LTBP2: variants seen among roughly 807,000 people sequenced by gnomAD.
LTBP2 encodes latent transforming growth factor beta binding protein 2, also known as latent-transforming growth factor beta-binding protein 2.
Under a neutral mutation model 210.6 loss-of-function variants are expected in LTBP2, and 103 were observed. That is an observed-to-expected ratio of 0.49 (90% CI 0.42 to 0.58). The LOEUF (loss-of-function observed/expected upper bound fraction) is 0.58. Among genes scored for constraint, LTBP2 ranks in the 20% least tolerant of loss-of-function variants. The probability of loss-of-function intolerance (pLI) is 0.00; values close to 1 mark genes in which losing one functional copy is unlikely to be tolerated. For synonymous variants in LTBP2, 1,007 were observed against 1,015.0 expected, an observed-to-expected ratio of 0.99 and a Z score of 0.15; for missense variants, 2,313 against 2,494.5, an observed-to-expected ratio of 0.93 and a Z score of 1.55.
chr14:74,523,678 AT>A (rs1013614563), intron 15 of LTBP2, among the ~76,000 whole-genome samples: 9 of 152,272 alleles, frequency 5.9e-5, no homozygotes, highest in African/African-American at 2.2e-4. Context: ...TCTGAACGGT[AT>A]CCCTAATACT....
chr14:74,537,374 CT>C (rs1040797963), intron 8 of LTBP2, among the ~76,000 whole-genome samples: 9 of 152,192 alleles, frequency 5.9e-5, no homozygotes, highest in African/African-American at 2.2e-4. Flanking sequence ...ATTCTTTTGC[CT>C]ATAGATAGCC....
chr14:74,564,127 A>ATT (rs2087844303), intron 3 of LTBP2, among the ~76,000 whole-genome samples: 1 of 34,014 alleles, frequency 2.9e-5, no homozygotes, highest in African/African-American at 1.2e-4. Context: ...ATATATATTT[A>ATT]TATATATATT....
Position 74,528,642 on chromosome 14 carries a change from T to A in LTBP2, c.2209A>T (p.Ile737Phe). The change falls in exon 12 of 36, where the codon ATC becomes TTC. Residue 737 changes from isoleucine to phenylalanine, a missense_variant. Transcript: ENST00000261978. Reference protein sequence around the residue: ...GHGYTYASSDIRLSMRKAEEE... With the variant: ...GHGYTYASSDFRLSMRKAEEE... ...TCGGCTTTCCTCATGGACAGGCGGA[T>A]GTCGGAGCTCGCGTAGGTGTAGCCG... 6.2e-7 allele frequency: 1 copy of A among 1,613,474 alleles called. No homozygotes were observed. Among genetic ancestry groups the A allele is most frequent in the Non-Finnish European group, 8.5e-7 (1 of 1,180,040 alleles).
chr14:74,531,438 C>A (rs2139722088), intron 10 of LTBP2, among the ~76,000 whole-genome samples: 1 of 152,330 alleles, frequency 6.6e-6, no homozygotes, highest in South Asian at 2.1e-4. Context: ...CCTCTCAAGG[C>A]CTTGATCACC....
chr14:74,586,359 G>T lies in LTBP2; in HGVS notation c.566-241C>A, dbSNP rs1369053655. On this transcript the variant is annotated intron_variant, in intron 2 of 35. Coordinates refer to ENST00000261978, the MANE Select transcript of LTBP2 (RefSeq NM_000428.3). The surrounding 1 kb of genome is among the most constrained non-coding windows in gnomAD (Gnocchi z 4.6). ...CAAAGACTATATGGCCAGCTGCAGA[G>T]TGGCTCACACCACCACGTCCCACAG... 6.6e-6 allele frequency among the ~76,000 whole-genome samples: 1 copy of T among 152,152 alleles called. No homozygotes were observed. The highest frequency in any genetic ancestry group is 1.5e-5 in the Non-Finnish European group (1 of 68,036).
At chr14:74,575,336 A>T (rs1318584424) in intron 3 of LTBP2, among the ~76,000 whole-genome samples, 2 of 152,242 alleles carry the variant, frequency 1.3e-5, no homozygotes, top group Non-Finnish European at 2.9e-5. Context: ...AAGGGACCTC[A>T]ACAGCCAAAC....
rs1426229893 is a variant in LTBP2 at position 74,501,643 on chromosome 14, T to C, written c.5171-53A>G. ...GAGGCTGAGGGCTGTGTCCAGACTC[T>C]CCCTAATGCTGGGACCCTCGCCCTT... On this transcript the variant is annotated intron_variant, in intron 34 of 35. Transcript: ENST00000261978. 1.5e-5 allele frequency: 24 copies of C among 1,610,052 alleles called. No homozygotes were observed. The East Asian group carries it at 5.1e-4, about 34-fold the overall frequency.
chr14:74,601,072 T>A (rs79058230), intron 2 of LTBP2, among the ~76,000 whole-genome samples: 2,659 of 152,224 alleles, frequency 0.017, 82 homozygotes, highest in African/African-American at 0.061. Context: ...TTAAAAAAAT[T>A]ACAGTGCCAG....
chr14:74,529,077 A>G lies in LTBP2; in HGVS notation c.2033T>C (p.Leu678Pro). 6.4e-7 allele frequency: 1 copy of G among 1,555,348 alleles called. No homozygotes were observed. The highest frequency in any genetic ancestry group is 8.7e-7 in the Non-Finnish European group (1 of 1,149,312). ...SMLQGLCYRS[L>P]GPGTCTLPLA... ...AGGCAGGGTGCAGGTGCCGGGCCCC[A>G]GCGACCGGTAGCACAGTCCCTGCAG... The change falls in exon 11 of 36, where the codon CTG becomes CCG. Residue 678 changes from leucine to proline, a missense_variant. Transcript: ENST00000261978.
chr14:74,594,896 C>T (rs948249724), intron 2 of LTBP2, among the ~76,000 whole-genome samples: 2 of 152,242 alleles, frequency 1.3e-5, no homozygotes, highest in African/African-American at 4.8e-5. Flanking sequence ...TGACTGAGGA[C>T]CCGAGCCCCC....
chr14:74,538,085 C>T (rs55826348), intron 8 of LTBP2, among the ~76,000 whole-genome samples: 16,852 of 152,094 alleles, frequency 0.11, 1,151 homozygotes, highest in Non-Finnish European at 0.14. Flanking sequence ...GAAATGAATT[C>T]TTGCAAATAC....
chr14:74,558,789 G>T (rs1349143204), intron 3 of LTBP2, among the ~76,000 whole-genome samples: 2 of 152,142 alleles, frequency 1.3e-5, no homozygotes, highest in African/African-American at 4.8e-5. Flanking sequence ...GGGTAGTTTT[G>T]CAGAGAGGAA....
At chr14:74,547,006 G>A (rs1375430075) in intron 8 of LTBP2, among the ~76,000 whole-genome samples, 1 of 152,222 alleles carries the variant, frequency 6.6e-6, no homozygotes, top group Non-Finnish European at 1.5e-5. Flanking sequence ...AGGGCAACAG[G>A]CCTAGAATCC....
chr14:74,555,435 A>T, intron 4 of LTBP2, 68 bp downstream of exon 4: 1 of 1,543,498 alleles, frequency 6.5e-7, no homozygotes. Flanking sequence ...GCAGAGGGGG[A>T]AGCCAAGGTG....
chr14:74,500,561 C>G lies in LTBP2; in HGVS notation c.*323G>C. 2.1e-6 allele frequency: 1 copy of G among 482,930 alleles called. No homozygotes were observed. The highest frequency in any genetic ancestry group is 2.1e-5 in the South Asian group (1 of 48,754). The allele number at this position is 482,930 out of a possible 1,614,324, so 29.9% of individuals were successfully genotyped here. ...TGCAGTGTGAGGCCATGGGGCCTTG[C>G]ATGCTCGCACAGCTTGGGAGGGTGG... is the stretch of plus-strand genomic sequence containing the variant. On this transcript the variant is annotated 3_prime_UTR_variant, in exon 36 of 36. Transcript: ENST00000261978.
At chr14:74,583,616 T>A (rs1323201197) in intron 3 of LTBP2, among the ~76,000 whole-genome samples, 1 of 152,244 alleles carries the variant, frequency 6.6e-6, no homozygotes, top group Non-Finnish European at 1.5e-5. Context: ...GGCCCTCCAC[T>A]GCCTGTCACA....
intron 2 of LTBP2, among the ~76,000 whole-genome samples, chr14:74,603,329 C>T (rs1317079047): frequency 6.6e-6 from 1 of 152,114 alleles, no homozygotes; most frequent in Non-Finnish European, 1.5e-5. Flanking sequence ...GTTTCACCAT[C>T]TTGACCAGGC....
chr14:74,539,854 T>A (rs2087470019), intron 8 of LTBP2, among the ~76,000 whole-genome samples: 1 of 152,182 alleles, frequency 6.6e-6, no homozygotes. Flanking sequence ...ACCCGAGGAA[T>A]GAGTGAATCT....
chr14:74,509,113 G>A (rs979498452), intron 22 of LTBP2, 125 bp downstream of exon 22: 23 of 1,572,016 alleles, frequency 1.5e-5, no homozygotes, highest in Middle Eastern at 3.4e-4. Context: ...GCTTGTGAGC[G>A]ACTCTTGGGG....
Sources: allele counts gnomAD v4.1 joint callset (sites outside exome capture counted in the v4.1 genomes callset), GRCh38; gene constraint gnomAD v4.1.1; non-coding constraint Gnocchi (gnomAD v3.1); transcripts MANE v1.5; gene names NCBI Gene and HGNC (gene_info 2026-07-23, HGNC 2026-07-21).